PRR16: variants seen among roughly 807,000 people sequenced by gnomAD.
The protein encoded by PRR16 is proline rich 16.
A neutral mutation model predicts 18.2 loss-of-function variants in PRR16; 6 were observed. The ratio of observed to expected loss-of-function variants is 0.33; its 90% CI spans 0.18 to 0.65. The LOEUF (loss-of-function observed/expected upper bound fraction) is 0.65, where lower values mean the gene tolerates loss of function less well. Ranked by LOEUF, PRR16 falls within the 30% of genes least tolerant of loss-of-function variation. PRR16 has a pLI of 0.74. For missense variants in PRR16, 412 were observed against 376.6 expected, an observed-to-expected ratio of 1.09 and a Z score of -0.78; for synonymous variants, 151 against 147.8, an observed-to-expected ratio of 1.02 and a Z score of -0.16.
intron 1 of PRR16, among the ~76,000 whole-genome samples, chr5:120,678,761 A>AT (rs947784750): frequency 7.2e-5 from 11 of 152,194 alleles, no homozygotes; most frequent in African/African-American, 2.6e-4. Context: ...TTATTTTCCA[A>AT]TTTGGATTCC....
At chr5:120,582,357 C>G (rs1290606708) in intron 1 of PRR16, among the ~76,000 whole-genome samples, 2 of 151,826 alleles carry the variant, frequency 1.3e-5, no homozygotes, top group African/African-American at 4.8e-5. Context: ...ATATAATGTT[C>G]AATATTTGGG....
At chr5:120,623,812 T>C (rs1427147787) in intron 1 of PRR16, among the ~76,000 whole-genome samples, 1 of 152,078 alleles carries the variant, frequency 6.6e-6, no homozygotes, top group African/African-American at 2.4e-5. Context: ...TGATAACTAC[T>C]GAGTTAAATA....
intron 1 of PRR16, among the ~76,000 whole-genome samples, chr5:120,517,218 A>C (rs1344192550): frequency 6.6e-6 from 1 of 152,178 alleles, no homozygotes; most frequent in Non-Finnish European, 1.5e-5. Flanking sequence ...TCTTCATTTT[A>C]AATTATTAAT....
chr5:120,747,745 A>G, the PRR16 span, among the ~76,000 whole-genome samples: 2 of 152,010 alleles, frequency 1.3e-5, no homozygotes, highest in South Asian at 4.1e-4. Context: ...AATTTAAGGA[A>G]GGAAGAGAAA....
At chr5:120,767,412 C>T in the PRR16 span, among the ~76,000 whole-genome samples, 1 of 151,830 alleles carries the variant, frequency 6.6e-6, no homozygotes, top group Admixed American at 6.6e-5. Context: ...TTTCACAATC[C>T]TTTCAAGCAT....
chr5:120,591,478 A>G (rs990846935), intron 1 of PRR16, among the ~76,000 whole-genome samples: 6 of 151,930 alleles, frequency 3.9e-5, no homozygotes, highest in African/African-American at 1.4e-4. Flanking sequence ...TCGTTTATGA[A>G]AGATGTACAG....
chr5:120,578,708 A>G (rs1401871156), intron 1 of PRR16, among the ~76,000 whole-genome samples: 2 of 152,126 alleles, frequency 1.3e-5, no homozygotes, highest in Admixed American at 6.6e-5. Flanking sequence ...CAGTAAACAT[A>G]TGTGTGCATG....
the PRR16 span, among the ~76,000 whole-genome samples, chr5:120,746,800 G>C: frequency 1.3e-5 from 2 of 152,192 alleles, no homozygotes. Context: ...TTTCAGGAAG[G>C]GAGGCGAGGG....
chr5:120,647,344 A>T (rs1755634369), intron 1 of PRR16, among the ~76,000 whole-genome samples: 1 of 151,916 alleles, frequency 6.6e-6, no homozygotes, highest in Non-Finnish European at 1.5e-5. Flanking sequence ...AACAGATAAC[A>T]ATTAAAATTG....
At position 120,479,350 on chromosome 5, in the gene PRR16, A is replaced by G. The variant is rs574173251; in HGVS notation, c.159+14705A>G. Among the ~76,000 whole-genome samples, 4 of 152,284 alleles carry G rather than the reference A, an allele frequency of 2.6e-5. No homozygotes were observed. In the East Asian group the frequency reaches 5.8e-4, roughly 22 times the overall value. ...GTCTTTAAAGACCATGCTATGTTGC[A>G]AACTCTCCCTCAGTTTTTATAACTG... On this transcript the variant is annotated intron_variant, in intron 1 of 1. Coordinates refer to ENST00000407149, the MANE Select transcript of PRR16 (RefSeq NM_001300783.2).
At chr5:120,742,211 T>A in the PRR16 span, among the ~76,000 whole-genome samples, 2 of 151,290 alleles carry the variant, frequency 1.3e-5, no homozygotes, top group African/African-American at 4.8e-5. Flanking sequence ...GTAATGAACA[T>A]GTTAGTTTGA....
At chr5:120,588,231 A>T (rs1442924050) in intron 1 of PRR16, among the ~76,000 whole-genome samples, 1 of 152,210 alleles carries the variant, frequency 6.6e-6, no homozygotes, top group Non-Finnish European at 1.5e-5. Flanking sequence ...TTGATGACAT[A>T]ACAGATTTGG....
chr5:120,604,114 A>G (rs962393661), intron 1 of PRR16, among the ~76,000 whole-genome samples: 3 of 149,660 alleles, frequency 2.0e-5, no homozygotes, highest in Non-Finnish European at 4.5e-5. Context: ...TTTTTTTTTA[A>G]TTTTTTGCTT....
intron 1 of PRR16, among the ~76,000 whole-genome samples, chr5:120,495,828 A>G (rs1479676730): frequency 6.6e-6 from 1 of 152,040 alleles, no homozygotes; most frequent in Admixed American, 6.6e-5. Context: ...ATTCCCTTGA[A>G]TAGAATATGT....
intron 1 of PRR16, among the ~76,000 whole-genome samples, chr5:120,472,761 CTT>C (rs1749310316): frequency 6.6e-6 from 1 of 151,990 alleles, no homozygotes; most frequent in Non-Finnish European, 1.5e-5. Flanking sequence ...GTTTCTTTCT[CTT>C]AGGATGTGAT....
At chr5:120,763,150 G>T in the PRR16 span, among the ~76,000 whole-genome samples, 185 of 125,262 alleles carry the variant, frequency 1.5e-3, no homozygotes, top group African/African-American at 5.6e-3. Context: ...CATTTTAATA[G>T]CAATTTTTTT....
chr5:120,653,385 T>C (rs991338850), intron 1 of PRR16, among the ~76,000 whole-genome samples: 3 of 152,100 alleles, frequency 2.0e-5, no homozygotes, highest in African/African-American at 7.2e-5. Context: ...ATGCATTTTG[T>C]GTAAAATGAT....
chr5:120,752,336 G>A, the PRR16 span, among the ~76,000 whole-genome samples: 1 of 152,020 alleles, frequency 6.6e-6, no homozygotes, highest in African/African-American at 2.4e-5. Context: ...GATAACAGTG[G>A]AGATAATGCG....
the PRR16 span, among the ~76,000 whole-genome samples, chr5:120,719,949 T>G: frequency 1.3e-5 from 2 of 152,046 alleles, no homozygotes; most frequent in African/African-American, 4.8e-5. Context: ...GTTCTTAATT[T>G]GGAAGAAGTC....
Sources: gnomAD v4.1 joint callset for allele counts (sites outside exome capture counted in the v4.1 genomes callset) on GRCh38, gnomAD v4.1.1 for gene constraint, MANE v1.5 for transcripts, NCBI Gene and HGNC (gene_info 2026-07-23, HGNC 2026-07-21) for gene names.